Variants in THEMIS observed in about 807,000 individuals in gnomAD.
THEMIS encodes thymocyte selection associated.
A neutral mutation model predicts 52.6 loss-of-function variants in THEMIS; 37 were observed. The observed-to-expected ratio is 0.70, with a 90% confidence interval of 0.54 to 0.93. THEMIS has a LOEUF of 0.93. Among genes scored for constraint, THEMIS ranks in the 40% least tolerant of loss-of-function variants. The probability of loss-of-function intolerance (pLI) is 0.00; values close to 1 mark genes in which losing one functional copy is unlikely to be tolerated. For synonymous variants in THEMIS, 292 were observed against 272.7 expected, an observed-to-expected ratio of 1.07 and a Z score of -0.70; for missense variants, 808 against 763.1, an observed-to-expected ratio of 1.06 and a Z score of -0.69.
chr6:127,873,825 G>A (rs761479264), intron 1 of THEMIS, among the ~76,000 whole-genome samples: 3 of 152,146 alleles, frequency 2.0e-5, no homozygotes, highest in Non-Finnish European at 2.9e-5. Flanking sequence ...CTAGCGAAAA[G>A]AAAATGTCAC....
At chr6:127,710,922 A>ACTGCCTGC (rs1172457034) in intron 5 of THEMIS, among the ~76,000 whole-genome samples, 1 of 151,154 alleles carries the variant, frequency 6.6e-6, no homozygotes, top group Non-Finnish European at 1.5e-5. Flanking sequence ...ATAGCCTATA[A>ACTGCCTGC]CTGCCTGCCT....
chr6:127,707,232 G>A (rs188704641), downstream of THEMIS, among the ~76,000 whole-genome samples: 1 of 152,202 alleles, frequency 6.6e-6, no homozygotes, highest in Admixed American at 6.5e-5. Flanking sequence ...TACAATTCAA[G>A]ACGAGATTTA....
At chr6:127,850,514 A>T (rs937404585) in intron 2 of THEMIS, among the ~76,000 whole-genome samples, 1 of 151,972 alleles carries the variant, frequency 6.6e-6, no homozygotes, top group Admixed American at 6.6e-5. Context: ...CAAATGGATT[A>T]AAAAATGTAG....
chr6:127,765,577 C>G (rs1320656475), intron 4 of THEMIS, among the ~76,000 whole-genome samples: 1 of 152,100 alleles, frequency 6.6e-6, no homozygotes, highest in Admixed American at 6.6e-5. Context: ...ATCGGGTATA[C>G]AGTCATGTGC....
chr6:127,883,924 A>G (rs995347653), intron 1 of THEMIS, among the ~76,000 whole-genome samples: 1 of 152,134 alleles, frequency 6.6e-6, no homozygotes, highest in Non-Finnish European at 1.5e-5. Flanking sequence ...TCTGTGTTAT[A>G]TATATATTAT....
At chr6:127,887,803 C>T (rs1206016450) in intron 1 of THEMIS, among the ~76,000 whole-genome samples, 4 of 152,056 alleles carry the variant, frequency 2.6e-5, no homozygotes, top group Non-Finnish European at 4.4e-5. Context: ...TACTTAAAAC[C>T]ATTCAGTTGT....
chr6:127,883,971 C>G (rs1780567939), intron 1 of THEMIS, among the ~76,000 whole-genome samples: 1 of 152,048 alleles, frequency 6.6e-6, no homozygotes, highest in South Asian at 2.1e-4. Flanking sequence ...AAAAAAAGAA[C>G]ATGGCACACT....
At chr6:127,853,494 T>C (rs972683395) in intron 2 of THEMIS, among the ~76,000 whole-genome samples, 22 of 151,656 alleles carry the variant, frequency 1.5e-4, no homozygotes, top group African/African-American at 4.8e-4. Flanking sequence ...GAATCATTGT[T>C]ATAAAAGATG....
intron 1 of THEMIS, among the ~76,000 whole-genome samples, chr6:127,868,835 T>A (rs1780065038): frequency 6.6e-6 from 1 of 152,164 alleles, no homozygotes; most frequent in South Asian, 2.1e-4. Context: ...ATACATAAAC[T>A]TCATTTGCTT....
the THEMIS span, among the ~76,000 whole-genome samples, chr6:127,700,111 CAT>C: frequency 6.6e-6 from 1 of 151,568 alleles, no homozygotes; most frequent in African/African-American, 2.4e-5. Context: ...AAGTTTCAAT[CAT>C]AATAAAAATG....
intron 4 of THEMIS, among the ~76,000 whole-genome samples, chr6:127,728,835 G>A (rs1003333682): frequency 5.3e-5 from 8 of 152,150 alleles, no homozygotes; most frequent in Admixed American, 5.2e-4. Flanking sequence ...ACAAGGTAAA[G>A]TAGGGCAAGA....
intron 4 of THEMIS, among the ~76,000 whole-genome samples, chr6:127,772,289 T>A: frequency 6.6e-6 from 1 of 152,054 alleles, no homozygotes; most frequent in Non-Finnish European, 1.5e-5. Context: ...TTTCTCACAC[T>A]CTCTGCTTAA....
At chr6:127,714,194 C>T (rs525267) in intron 5 of THEMIS, among the ~76,000 whole-genome samples, 54,979 of 151,660 alleles carry the variant, frequency 0.36, 11,761 homozygotes, top group Non-Finnish European at 0.5. Flanking sequence ...ACCTGAGATA[C>T]ATTGAAACAC....
At chr6:127,880,449 G>C (rs552158487) in intron 1 of THEMIS, among the ~76,000 whole-genome samples, 3 of 151,646 alleles carry the variant, frequency 2.0e-5, no homozygotes, top group Non-Finnish European at 4.4e-5. Flanking sequence ...TAAAAATCAG[G>C]GTGGTTTCTG....
At position 127,844,900 on chromosome 6, in the gene THEMIS, T is replaced by C. The variant is rs898796747; in HGVS notation, c.250+10130A>G. 7.9e-5 allele frequency among the ~76,000 whole-genome samples: 12 copies of C among 152,092 alleles called. No homozygotes were observed. In the South Asian group the frequency reaches 1.7e-3, roughly 21 times the overall value. ...TGTTTTCTAAAAGCAGTATGTTTTG[T>C]TTCATTCATTACTGAAATGATTGCT... On this transcript the variant is annotated intron_variant, in intron 2 of 5. Transcript: ENST00000368248.
chr6:127,846,152 G>C (rs954206492), intron 2 of THEMIS, among the ~76,000 whole-genome samples: 28 of 151,972 alleles, frequency 1.8e-4, no homozygotes, highest in African/African-American at 6.3e-4. Context: ...GACTTCTGTG[G>C]CCACACATGA....
At chr6:127,905,148 G>A (rs1562332665), upstream of THEMIS, among the ~76,000 whole-genome samples, 1 of 152,044 alleles carries the variant, frequency 6.6e-6, no homozygotes, top group East Asian at 1.9e-4. Context: ...TTCAAGCCTT[G>A]CCAACACCAC....
intron 3 of THEMIS, among the ~76,000 whole-genome samples, chr6:127,822,460 A>G (rs1173723835): frequency 2.0e-5 from 3 of 152,114 alleles, no homozygotes; most frequent in Admixed American, 1.3e-4. Flanking sequence ...TCTTAGAAAA[A>G]ATAATCATAA....
intron 5 of THEMIS, among the ~76,000 whole-genome samples, chr6:127,712,771 A>G (rs1774027431): frequency 6.6e-6 from 1 of 151,966 alleles, no homozygotes; most frequent in South Asian, 2.1e-4. Flanking sequence ...TTCAATGGTC[A>G]GAATTACATC....
Sources: allele counts gnomAD v4.1 joint callset (sites outside exome capture counted in the v4.1 genomes callset), GRCh38; gene constraint gnomAD v4.1.1; transcripts MANE v1.5; gene names NCBI Gene and HGNC (gene_info 2026-07-23, HGNC 2026-07-21).